Variants in OTOGL observed in about 807,000 individuals in gnomAD.
OTOGL encodes otogelin like.
Under a neutral mutation model 318.5 loss-of-function variants are expected in OTOGL, and 285 were observed. The observed-to-expected ratio is 0.89, with a 90% CI of 0.81 to 0.99. OTOGL has a LOEUF of 0.99. Ranked by LOEUF, OTOGL falls within the 50% of genes least tolerant of loss-of-function variation. OTOGL has a pLI of 0.00. For missense variants in OTOGL, 2,899 were observed against 2,845.6 expected, an observed-to-expected ratio of 1.02 and a Z score of -0.43; for synonymous variants, 987 against 936.5, an observed-to-expected ratio of 1.05 and a Z score of -0.99.
At chr12:80,230,005 T>A (rs1054355459) in intron 8 of OTOGL, among the ~76,000 whole-genome samples, 1 of 151,720 alleles carries the variant, frequency 6.6e-6, no homozygotes, top group Non-Finnish European at 1.5e-5. Context: ...TTTTTTTTTT[T>A]ATGTTTTAAC....
At chr12:80,234,090 A>G (rs1879626387) in intron 9 of OTOGL, among the ~76,000 whole-genome samples, 1 of 151,178 alleles carries the variant, frequency 6.6e-6, no homozygotes, top group South Asian at 2.1e-4. Flanking sequence ...AGGTCTTGCT[A>G]TTTCTTTTCA....
chr12:80,160,103 G>T (rs909821266), intron 1 of OTOGL, among the ~76,000 whole-genome samples: 1 of 152,062 alleles, frequency 6.6e-6, no homozygotes, highest in African/African-American at 2.4e-5. Flanking sequence ...AATCTGAGAT[G>T]GATCTGGGAC....
At chr12:80,329,026 A>G in intron 36 of OTOGL, 25 bp from the exon 37 acceptor site, 2 of 1,569,934 alleles carry the variant, frequency 1.3e-6, no homozygotes, top group South Asian at 1.2e-5. Context: ...ACAGTTTTAT[A>G]AAGAGCACCT....
chr12:80,120,101 T>G (rs1311708461), intron 1 of OTOGL, among the ~76,000 whole-genome samples: 1 of 152,264 alleles, frequency 6.6e-6, no homozygotes, highest in East Asian at 1.9e-4. Flanking sequence ...TTGAATATGC[T>G]GGTTATCTTT....
At position 80,278,123 on chromosome 12, in the gene OTOGL, A is replaced by G. The variant is rs751232490; in HGVS notation, c.2682-45A>G. ...AAGATTACTGATATTTTAAAACTGA[A>G]AACTGTAGTTCATACTAAATAGCAT... is the stretch of plus-strand genomic sequence containing the variant. On this transcript the variant is annotated intron_variant, in intron 24 of 58. Coordinates refer to ENST00000547103, the MANE Select transcript of OTOGL (RefSeq NM_001378609.3). 2.1e-6 allele frequency: 3 copies of G among 1,398,316 alleles called. No individual in the cohort carries two copies. The South Asian group carries it at 3.7e-5, about 17-fold the overall frequency. The allele number at this position is 1,398,316 out of a possible 1,614,324, so 86.6% of individuals were successfully genotyped here.
In OTOGL at chr12:80,222,168, T is replaced by G; in HGVS notation, c.412T>G (p.Tyr138Asp). 1 of 1,597,412 alleles carries G rather than the reference T, an allele frequency of 6.3e-7. No individual in the cohort carries two copies. Among genetic ancestry groups the G allele is most frequent in the Non-Finnish European group, 8.5e-7 (1 of 1,177,948 alleles). ...TCATTTTGAAACATTCGATGGCATC[T>G]ACTATTACTTCCCAGGAAACTGTTC... is the stretch of plus-strand genomic sequence containing the variant. Reference protein sequence around the residue: ...QYHFETFDGIYYYFPGNCSYI... With the variant: ...QYHFETFDGIDYYFPGNCSYI... Residue 138 changes from tyrosine to aspartate, a missense_variant, in exon 7 of 59, where the codon TAC (tyrosine) becomes GAC (aspartate). By Grantham distance (160) the Tyr-to-Asp change is radical. Around this residue, in one of 3 missense-constraint regions of OTOGL, gnomAD observed 2,607 missense variants for 2,524.9 expected, o/e 1.03. Coordinates refer to ENST00000547103, the MANE Select transcript of OTOGL (RefSeq NM_001378609.3).
chr12:80,169,708 A>G (rs949698232), intron 1 of OTOGL, among the ~76,000 whole-genome samples: 1 of 152,112 alleles, frequency 6.6e-6, no homozygotes, highest in African/African-American at 2.4e-5. Flanking sequence ...CCTTGGCCAT[A>G]ATTGATCTTT....
At chr12:80,290,572 C>T (rs1161772742) in intron 26 of OTOGL, among the ~76,000 whole-genome samples, 4 of 152,050 alleles carry the variant, frequency 2.6e-5, no homozygotes, top group African/African-American at 4.8e-5. Flanking sequence ...ATGACATGTT[C>T]CCATTGGATA....
intron 1 of OTOGL, among the ~76,000 whole-genome samples, chr12:80,156,383 G>A (rs185597612): frequency 5.3e-5 from 8 of 152,258 alleles, no homozygotes; most frequent in African/African-American, 1.9e-4. Context: ...GTGGTCACGT[G>A]AGTCAATACT....
At chr12:80,183,234 T>TGGAGA (rs1273920391) in intron 1 of OTOGL, among the ~76,000 whole-genome samples, 3 of 152,184 alleles carry the variant, frequency 2.0e-5, no homozygotes, top group African/African-American at 7.2e-5. Context: ...ACAGTCCTAC[T>TGGAGA]GAGGTAGTAT....
chr12:80,310,623 G>C lies in OTOGL; in HGVS notation c.3346G>C (p.Asp1116His), dbSNP rs764909839. 6.3e-6 allele frequency: 10 copies of C among 1,589,132 alleles called. No individual in the cohort carries two copies. The highest frequency in any genetic ancestry group is 1.3e-5 in the African/African-American group (1 of 74,616). ...ATTTTTTCAACAGTGTGAAAGTCCAGATGAAACAATTAAACCCTGTGAGGC... is the reference window on the plus strand; with the variant it reads ...ATTTTTTCAACAGTGTGAAAGTCCACATGAAACAATTAAACCCTGTGAGGC... Reference protein sequence around the residue: ...SWALGQCESPDETIKPCEAHQ... With the variant: ...SWALGQCESPHETIKPCEAHQ... The change falls in exon 30 of 59, where the codon GAT becomes CAT. Residue 1116 changes from aspartate (D) to histidine (H), a missense_variant. Coordinates refer to ENST00000547103, the MANE Select transcript of OTOGL (RefSeq NM_001378609.3).
chr12:80,296,622 T>C (rs1399998562), intron 26 of OTOGL, among the ~76,000 whole-genome samples: 1 of 152,152 alleles, frequency 6.6e-6, no homozygotes, highest in African/African-American at 2.4e-5. Flanking sequence ...ACAGATATTA[T>C]AGGTGTTTAA....
intron 24 of OTOGL, among the ~76,000 whole-genome samples, chr12:80,277,717 A>G (rs950822999): frequency 6.6e-6 from 1 of 151,558 alleles, no homozygotes; most frequent in Non-Finnish European, 1.5e-5. Context: ...ACACTCAGAA[A>G]GAAGCTTTTG....
chr12:80,296,486 AT>A (rs1284408510), intron 26 of OTOGL, among the ~76,000 whole-genome samples: 1 of 152,186 alleles, frequency 6.6e-6, no homozygotes, highest in African/African-American at 2.4e-5. Context: ...TCAAATGAAT[AT>A]TTTTTAAAGA....
At chr12:80,237,933 C>G (rs1880010615) in intron 9 of OTOGL, among the ~76,000 whole-genome samples, 1 of 152,178 alleles carries the variant, frequency 6.6e-6, no homozygotes. Flanking sequence ...AACCTCAAAT[C>G]TGAAGTCTGT....
chr12:80,369,013 AG>A (rs1592767675), intron 55 of OTOGL, among the ~76,000 whole-genome samples: 1 of 151,800 alleles, frequency 6.6e-6, no homozygotes, highest in East Asian at 1.9e-4. Context: ...AGTGTCAAGG[AG>A]GAAAAAAATA....
chr12:80,170,535 G>A (rs1874137140), intron 1 of OTOGL, among the ~76,000 whole-genome samples: 1 of 151,976 alleles, frequency 6.6e-6, no homozygotes, highest in Non-Finnish European at 1.5e-5. Flanking sequence ...CTGAGTTCAA[G>A]TGATTCTCCT....
chr12:80,353,893 T>C (rs1049978885), intron 46 of OTOGL, among the ~76,000 whole-genome samples: 2 of 152,172 alleles, frequency 1.3e-5, no homozygotes, highest in Non-Finnish European at 2.9e-5. Context: ...AAGGTTAGTG[T>C]GGGGCTACAT....
chr12:80,124,602 G>C (rs544162158), intron 1 of OTOGL, among the ~76,000 whole-genome samples: 2 of 152,234 alleles, frequency 1.3e-5, no homozygotes, highest in Non-Finnish European at 2.9e-5. Flanking sequence ...GATGGGGATG[G>C]CATTGAATCT....
Sources: gnomAD v4.1 joint callset for allele counts (sites outside exome capture counted in the v4.1 genomes callset) on GRCh38, gnomAD v4.1.1 for gene constraint, gnomAD v4.1.1 regional missense constraint, MANE v1.5 for transcripts, NCBI Gene and HGNC (gene_info 2026-07-23, HGNC 2026-07-21) for gene names.